Variants in MYT1L observed in about 807,000 individuals in gnomAD.
MYT1L encodes myelin transcription factor 1-like protein.
MYT1L carries 12 observed loss-of-function variants against 126.7 expected under a neutral mutation model. The observed-to-expected ratio is 0.09, with a 90% CI of 0.06 to 0.15. The LOEUF (loss-of-function observed/expected upper bound fraction) is 0.15, where lower values mean the gene tolerates loss of function less well. MYT1L is among the 10% of genes least tolerant of loss of function. The probability of loss-of-function intolerance (pLI) is 1.00; values close to 1 mark genes in which losing one functional copy is unlikely to be tolerated. For synonymous variants in MYT1L, 541 were observed against 604.2 expected (o/e 0.90, Z 1.53); for missense variants, 979 against 1,585.2 (o/e 0.62, Z 6.49).
intron 1 of MYT1L, among the ~76,000 whole-genome samples, chr2:2,291,623 C>T (rs543572345): frequency 5.3e-5 from 8 of 152,304 alleles, no homozygotes; most frequent in African/African-American, 1.9e-4. Context: ...AGACGCGGTG[C>T]GTGATGGGTT....
chr2:1,906,277 T>C (rs568357913), intron 13 of MYT1L, among the ~76,000 whole-genome samples: 171 of 152,344 alleles, frequency 1.1e-3, no homozygotes, highest in African/African-American at 4.0e-3. Flanking sequence ...TGAGATTTAA[T>C]TTCCCTTTTT....
chr2:2,270,308 C>A (rs1179399599), intron 2 of MYT1L, among the ~76,000 whole-genome samples: 2 of 152,210 alleles, frequency 1.3e-5, no homozygotes, highest in East Asian at 3.8e-4. Context: ...GCCTGGGCAG[C>A]CTCACACAAT....
At chr2:1,919,732 ATTATT>A (rs1432044464) in intron 10 of MYT1L, among the ~76,000 whole-genome samples, 2 of 150,842 alleles carry the variant, frequency 1.3e-5, no homozygotes, top group Admixed American at 1.3e-4. Flanking sequence ...TTAATTTAAT[ATTATT>A]TTATTTTTTG....
At chr2:1,949,369 A>G (rs10181980) in intron 8 of MYT1L, among the ~76,000 whole-genome samples, 110,909 of 151,980 alleles carry the variant, frequency 0.73, 42,003 homozygotes, top group East Asian at 0.95. Context: ...GCATCCCGTC[A>G]CCCCCACCCC....
chr2:1,805,446 C>T (rs145700384), intron 22 of MYT1L, among the ~76,000 whole-genome samples: 1 of 152,306 alleles, frequency 6.6e-6, no homozygotes, highest in Admixed American at 6.5e-5. Context: ...AAAGGCTTTA[C>T]ACTCAGGATA....
chr2:1,824,711 G>C (rs896351820), intron 21 of MYT1L: 1 of 151,432 alleles, frequency 6.6e-6, no homozygotes, highest in Non-Finnish European at 1.5e-5. Context: ...GCAGTATCCC[G>C]GCTGATGCAT....
chr2:1,977,201 A>T (rs1020312817), intron 8 of MYT1L, among the ~76,000 whole-genome samples: 1 of 152,228 alleles, frequency 6.6e-6, no homozygotes, highest in Non-Finnish European at 1.5e-5. Flanking sequence ...CATCCCAGCG[A>T]ATGGGTTCCT....
intron 2 of MYT1L, among the ~76,000 whole-genome samples, chr2:2,206,263 C>T (rs1424386705): frequency 1.3e-5 from 2 of 152,132 alleles, no homozygotes; most frequent in African/African-American, 4.8e-5. Flanking sequence ...TAGGCACGAG[C>T]CACCGTGCCC....
At chr2:2,161,440 C>A (rs376112342) in intron 3 of MYT1L, among the ~76,000 whole-genome samples, 10 of 152,186 alleles carry the variant, frequency 6.6e-5, no homozygotes, top group African/African-American at 2.4e-5. Flanking sequence ...CGTGCCTGCA[C>A]GAGGAAGAAT....
At chr2:1,995,520 G>A (rs2061763332) in intron 5 of MYT1L, among the ~76,000 whole-genome samples, 1 of 152,228 alleles carries the variant, frequency 6.6e-6, no homozygotes, top group African/African-American at 2.4e-5. Context: ...AGAGGAGAAA[G>A]TTCTAGAAGG....
Position 2,117,369 on chromosome 2 carries a change from G to C in MYT1L, c.-304+55503C>G, listed in dbSNP as rs137981106. Among the ~76,000 whole-genome samples the C allele has an allele frequency of 4.0e-3, 616 of 152,328 alleles. 3 individuals carry two copies. The highest frequency in any genetic ancestry group is 0.014 in the African/African-American group (586 of 41,572). ...AGGAAGGAATCTGTGGACTCCGTCTGCATGTTGTCCTGGACGTCTCCACCC... is the reference window on the plus strand; with the variant it reads ...AGGAAGGAATCTGTGGACTCCGTCTCCATGTTGTCCTGGACGTCTCCACCC... On this transcript the variant is annotated intron_variant, in intron 3 of 24. Transcript: ENST00000647738.
intron 3 of MYT1L, among the ~76,000 whole-genome samples, chr2:2,078,783 C>A (rs866876476): frequency 6.6e-6 from 1 of 152,172 alleles, no homozygotes; most frequent in African/African-American, 2.4e-5. Context: ...TCAGAACTAA[C>A]AAATTAGTGC....
At chr2:2,246,851 G>T (rs1337381937) in intron 2 of MYT1L, among the ~76,000 whole-genome samples, 1 of 152,154 alleles carries the variant, frequency 6.6e-6, no homozygotes, top group African/African-American at 2.4e-5. Flanking sequence ...TTATGAACAT[G>T]TTCAATGCTT....
chr2:2,142,827 C>G (rs1034914109), intron 3 of MYT1L, among the ~76,000 whole-genome samples: 1 of 151,768 alleles, frequency 6.6e-6, no homozygotes, highest in East Asian at 2.0e-4. Flanking sequence ...GCTGGGATTA[C>G]AGGCACGCAC....
intron 2 of MYT1L, among the ~76,000 whole-genome samples, chr2:2,194,176 C>T (rs1187519983): frequency 6.6e-6 from 1 of 151,986 alleles, no homozygotes; most frequent in African/African-American, 2.4e-5. Flanking sequence ...ACTCCTGGGG[C>T]TCAAGTGATC....
At chr2:2,316,034 C>T (rs907555398) in intron 1 of MYT1L, among the ~76,000 whole-genome samples, 1 of 152,082 alleles carries the variant, frequency 6.6e-6, no homozygotes, top group Admixed American at 6.5e-5. Context: ...TTAAATAAAA[C>T]ATATCTGTGT....
At chr2:1,934,307 T>TACAC (rs1553335162) in intron 9 of MYT1L, among the ~76,000 whole-genome samples, 5 of 132,188 alleles carry the variant, frequency 3.8e-5, no homozygotes, top group East Asian at 5.3e-4. Flanking sequence ...TATATATATA[T>TACAC]ACAACCTCAT....
rs527853720 is a variant in MYT1L at position 2,026,615 on chromosome 2, G to A, written c.-158+27363C>T. Among the ~76,000 whole-genome samples the A allele has an allele frequency of 8.5e-5, 13 of 152,336 alleles. No individual in the cohort carries two copies. The South Asian group carries it at 2.1e-3, about 24-fold the overall frequency. ...TGGCTTCCTAGGACAGGAAATGCCCGTGGTGGAGGTTGTTCTGCAGGTCAA... is the reference window on the plus strand; with the variant it reads ...TGGCTTCCTAGGACAGGAAATGCCCATGGTGGAGGTTGTTCTGCAGGTCAA... On this transcript the variant is annotated intron_variant, in intron 4 of 24. Transcript: ENST00000647738.
intron 19 of MYT1L, among the ~76,000 whole-genome samples, chr2:1,850,989 G>A (rs1181104521): frequency 6.6e-6 from 1 of 152,220 alleles, no homozygotes; most frequent in Non-Finnish European, 1.5e-5. Flanking sequence ...TCTTTAACAA[G>A]TGGTAAATTT....
Sources: allele counts gnomAD v4.1 joint callset (sites outside exome capture counted in the v4.1 genomes callset), GRCh38; gene constraint gnomAD v4.1.1; transcripts MANE v1.5; gene names NCBI Gene and HGNC (gene_info 2026-07-23, HGNC 2026-07-21).